The following ARID1B variants were observed in gnomAD, a reference collection of about 807,000 sequenced individuals.
The protein encoded by ARID1B is AT-rich interaction domain 1B.
A neutral mutation model predicts 212.3 loss-of-function variants in ARID1B; 30 were observed. That is an observed-to-expected ratio of 0.14 (90% CI 0.11 to 0.19). The LOEUF (loss-of-function observed/expected upper bound fraction) is 0.19. Among genes scored for constraint, ARID1B ranks in the 10% least tolerant of loss-of-function variants. The pLI is 1.00. For missense variants in ARID1B, 2,891 were observed against 3,204.0 expected (o/e 0.90, Z 2.36); for synonymous variants, 1,402 against 1,301.7 (o/e 1.08, Z -1.66).
intron 4 of ARID1B, among the ~76,000 whole-genome samples, chr6:156,953,453 C>G (rs970237022): frequency 1.3e-5 from 2 of 152,066 alleles, no homozygotes; most frequent in South Asian, 4.1e-4. Flanking sequence ...TTTATTTTCT[C>G]CTGGGAGCAA....
At chr6:156,937,897 C>A (rs1203512763) in intron 4 of ARID1B, 2 of 151,600 alleles carry the variant, frequency 1.3e-5, no homozygotes, top group African/African-American at 2.4e-5. Context: ...TATTTTCTTT[C>A]CGTTTTTGTA....
At chr6:157,161,384 A>G (rs1790917756) in intron 8 of ARID1B, among the ~76,000 whole-genome samples, 1 of 150,700 alleles carries the variant, frequency 6.6e-6, no homozygotes, top group Admixed American at 6.6e-5. Flanking sequence ...CACACCAAAA[A>G]TTGACCAGGG....
At chr6:157,121,339 C>G (rs989004976) in intron 6 of ARID1B, among the ~76,000 whole-genome samples, 1 of 152,084 alleles carries the variant, frequency 6.6e-6, no homozygotes, top group Non-Finnish European at 1.5e-5. Context: ...TCGTCTACCC[C>G]CAAATATGCT....
chr6:157,138,640 G>A (rs910476331), intron 7 of ARID1B, among the ~76,000 whole-genome samples: 3 of 152,182 alleles, frequency 2.0e-5, no homozygotes, highest in African/African-American at 7.2e-5. Context: ...GGATGGTGAT[G>A]CAGATTGACA....
At chr6:156,996,250 T>A (rs1778584096) in intron 4 of ARID1B, among the ~76,000 whole-genome samples, 1 of 152,200 alleles carries the variant, frequency 6.6e-6, no homozygotes, top group African/African-American at 2.4e-5. Context: ...AAGGAATGGC[T>A]TCAGAGCTGA....
intron 4 of ARID1B, among the ~76,000 whole-genome samples, chr6:157,082,609 G>A (rs897460839): frequency 5.9e-5 from 9 of 152,176 alleles, no homozygotes; most frequent in African/African-American, 2.2e-4. Context: ...GCTGCTCACA[G>A]GTACACTTGT....
intron 19 of ARID1B, chr6:157,205,001 G>A (rs1389444735): frequency 1.3e-5 from 2 of 152,188 alleles, no homozygotes; most frequent in African/African-American, 4.8e-5. Flanking sequence ...CGAGTTCTGT[G>A]TTAACAGAAA....
At chr6:157,076,133 A>G (rs1048877539) in intron 4 of ARID1B, among the ~76,000 whole-genome samples, 22 of 152,220 alleles carry the variant, frequency 1.4e-4, no homozygotes, top group Non-Finnish European at 2.9e-5. Flanking sequence ...TGAAAGTTAA[A>G]AAGTTCAGTG....
At chr6:156,903,982 T>G (rs773282600) in intron 3 of ARID1B, among the ~76,000 whole-genome samples, 3 of 152,222 alleles carry the variant, frequency 2.0e-5, no homozygotes, top group Non-Finnish European at 4.4e-5. Flanking sequence ...TTTCATATGT[T>G]TAATGTTTTA....
chr6:157,019,178 A>G (rs1780080117), intron 4 of ARID1B, among the ~76,000 whole-genome samples: 1 of 152,214 alleles, frequency 6.6e-6, no homozygotes, highest in Non-Finnish European at 1.5e-5. Context: ...TGTTATCTGA[A>G]GAGGACACTG....
intron 7 of ARID1B, among the ~76,000 whole-genome samples, chr6:157,145,156 G>C (rs749374154): frequency 4.3e-4 from 65 of 152,146 alleles, no homozygotes; most frequent in Non-Finnish European, 8.7e-4. Flanking sequence ...GGTGGTGTTC[G>C]GGACTAAGGA....
At chr6:157,059,502 G>C (rs1156421226) in intron 4 of ARID1B, among the ~76,000 whole-genome samples, 3 of 152,152 alleles carry the variant, frequency 2.0e-5, no homozygotes, top group African/African-American at 7.2e-5. Flanking sequence ...TTAATCTATT[G>C]GTAAGTCAAA....
chr6:156,966,026 G>T (rs1329040587), intron 4 of ARID1B, among the ~76,000 whole-genome samples: 1 of 151,998 alleles, frequency 6.6e-6, no homozygotes, highest in African/African-American at 2.4e-5. Context: ...CTCATCACAG[G>T]GACCACAAGT....
chr6:156,834,601 T>G (rs1286090580), intron 2 of ARID1B, among the ~76,000 whole-genome samples: 1 of 152,198 alleles, frequency 6.6e-6, no homozygotes, highest in African/African-American at 2.4e-5. Flanking sequence ...AGGTGAACAT[T>G]TTGGCCAGTA....
chr6:156,838,886 C>T (rs965923586), intron 2 of ARID1B, among the ~76,000 whole-genome samples: 1 of 152,042 alleles, frequency 6.6e-6, no homozygotes, highest in African/African-American at 2.4e-5. Context: ...AAAGGGTCAG[C>T]CAACAAGGAG....
intron 4 of ARID1B, among the ~76,000 whole-genome samples, chr6:156,989,891 A>G (rs1778167094): frequency 6.6e-6 from 1 of 152,152 alleles, no homozygotes; most frequent in African/African-American, 2.4e-5. Flanking sequence ...AATGATAGGA[A>G]ATAGTGATCT....
At chr6:157,128,389 G>C (rs1244578300) in intron 6 of ARID1B, among the ~76,000 whole-genome samples, 1 of 151,880 alleles carries the variant, frequency 6.6e-6, no homozygotes, top group Non-Finnish European at 1.5e-5. Flanking sequence ...AGTAGGGTTA[G>C]CTTTCAAAAA....
At chr6:156,881,870 T>C (rs769495150) in intron 2 of ARID1B, among the ~76,000 whole-genome samples, 20 of 152,222 alleles carry the variant, frequency 1.3e-4, no homozygotes, top group African/African-American at 1.9e-4. Context: ...TAGTGTAGCA[T>C]TGGGGGAAGC....
chr6:157,008,587 G>A (rs1382019997), intron 4 of ARID1B, among the ~76,000 whole-genome samples: 1 of 152,166 alleles, frequency 6.6e-6, no homozygotes, highest in Non-Finnish European at 1.5e-5. Flanking sequence ...CCTAATCACT[G>A]TGATTGCGAT....
Sources: allele counts gnomAD v4.1 joint callset (sites outside exome capture counted in the v4.1 genomes callset), GRCh38; gene constraint gnomAD v4.1.1; transcripts MANE v1.5; gene names NCBI Gene and HGNC (gene_info 2026-07-23, HGNC 2026-07-21).